TEX9: variants seen among roughly 807,000 people sequenced by gnomAD.
TEX9 encodes testis-expressed protein 9.
A neutral mutation model predicts 59.6 loss-of-function variants in TEX9; 74 were observed. That is an observed-to-expected ratio of 1.24 (90% confidence interval 1.03 to 1.51). The LOEUF is 1.51. Ranked by LOEUF, TEX9 falls within the 40% of genes most tolerant of loss-of-function variation. The probability of loss-of-function intolerance (pLI) is 0.00; values close to 1 mark genes in which losing one functional copy is unlikely to be tolerated. For synonymous variants in TEX9, 186 were observed against 152.2 expected, an observed-to-expected ratio of 1.22 and a Z score of -1.64; for missense variants, 522 against 447.8, an observed-to-expected ratio of 1.17 and a Z score of -1.49.
In TEX9 at chr15:56,285,618, T is replaced by C. The variant is rs2044935059; in HGVS notation, c.-107+41340T>C. On this transcript the variant is annotated intron_variant, in intron 1 of 5. Transcript: ENST00000560827. The stretch of plus-strand genomic sequence containing the variant: ...TTGGATTTCAGCCTTCCCTTGGATT[T>C]TGGCCTGCTAGTTCCTTAAAATCTT... 1.3e-5 allele frequency among the ~76,000 whole-genome samples: 2 copies of C among 152,190 alleles called. 1 individual carries two copies. Among genetic ancestry groups the C allele is most frequent in the Non-Finnish European group, 2.9e-5 (2 of 68,030 alleles).
intron 1 of TEX9, among the ~76,000 whole-genome samples, chr15:56,270,510 C>G (rs1260403178): frequency 3.3e-5 from 5 of 152,140 alleles, no homozygotes; most frequent in Non-Finnish European, 1.5e-5. Flanking sequence ...ATAGATCTTC[C>G]TCCATCCTTT....
intron 1 of TEX9, among the ~76,000 whole-genome samples, chr15:56,265,430 C>T (rs2044358390): frequency 6.6e-6 from 1 of 151,998 alleles, no homozygotes; most frequent in African/African-American, 2.4e-5. Flanking sequence ...GCCTTGGCCT[C>T]CTAAAGTGAT....
At chr15:56,444,456 T>A in intron 12 of TEX9, 1 of 1,605,932 alleles carries the variant, frequency 6.2e-7, no homozygotes. Flanking sequence ...CTGATCTTCT[T>A]CATAGATCTT....
At chr15:56,338,124 A>C (rs907876723) in intron 1 of TEX9, among the ~76,000 whole-genome samples, 6 of 152,204 alleles carry the variant, frequency 3.9e-5, no homozygotes, top group Non-Finnish European at 8.8e-5. Flanking sequence ...CTTAAAGTTT[A>C]GTGAGACTCT....
chr15:56,344,917 C>G (rs533350244), intron 1 of TEX9, among the ~76,000 whole-genome samples: 1 of 151,642 alleles, frequency 6.6e-6, no homozygotes, highest in South Asian at 2.1e-4. Context: ...AATACCTAGA[C>G]CCCATCCACA....
At chr15:56,439,410 A>C (rs1208072635) in intron 12 of TEX9, among the ~76,000 whole-genome samples, 1 of 150,060 alleles carries the variant, frequency 6.7e-6, no homozygotes, top group Non-Finnish European at 1.5e-5. Context: ...AGATTCTTCA[A>C]AAATTCATAT....
intron 1 of TEX9, among the ~76,000 whole-genome samples, chr15:56,295,537 G>C (rs1274206627): frequency 1.3e-5 from 2 of 152,174 alleles, no homozygotes; most frequent in Non-Finnish European, 2.9e-5. Context: ...CACTGGCCCT[G>C]CTCCTTTAAA....
At chr15:56,379,910 A>C (rs76694624) in intron 3 of TEX9, among the ~76,000 whole-genome samples, 5,428 of 146,834 alleles carry the variant, frequency 0.037, 135 homozygotes, top group Middle Eastern at 0.073. Context: ...TTTTCAGTCT[A>C]TATATATATC....
intron 9 of TEX9, among the ~76,000 whole-genome samples, chr15:56,404,491 G>A (rs76888292): frequency 6.6e-6 from 1 of 151,910 alleles, no homozygotes; most frequent in Non-Finnish European, 1.5e-5. Flanking sequence ...ACAACAGATG[G>A]TGGAGAGGAT....
intron 1 of TEX9, among the ~76,000 whole-genome samples, chr15:56,320,001 T>C (rs115757684): frequency 1.5e-3 from 225 of 152,320 alleles, no homozygotes; most frequent in African/African-American, 5.3e-3. Flanking sequence ...AACTCTTTCC[T>C]CTATGTCCTC....
intron 1 of TEX9, among the ~76,000 whole-genome samples, chr15:56,282,740 A>T (rs1217170025): frequency 6.6e-6 from 1 of 152,166 alleles, no homozygotes. Context: ...ATTGAAGTAG[A>T]TGTGGAAAAT....
intron 12 of TEX9, among the ~76,000 whole-genome samples, chr15:56,441,327 G>C (rs544425490): frequency 3.9e-4 from 60 of 152,016 alleles, no homozygotes; most frequent in Middle Eastern, 6.8e-3. Context: ...CTCGGTGAAG[G>C]TTCCATGTTT....
At chr15:56,384,708 T>C (rs1415734946) in intron 4 of TEX9, among the ~76,000 whole-genome samples, 3 of 152,248 alleles carry the variant, frequency 2.0e-5, no homozygotes, top group Middle Eastern at 3.4e-3. Context: ...GAAACTGATA[T>C]TGGAGGCTGG....
chr15:56,274,963 A>G (rs1214591145), intron 1 of TEX9, among the ~76,000 whole-genome samples: 1 of 152,160 alleles, frequency 6.6e-6, no homozygotes, highest in Non-Finnish European at 1.5e-5. Context: ...GTTTCAGAAT[A>G]GGTCACTCTC....
upstream of TEX9, among the ~76,000 whole-genome samples, chr15:56,363,224 G>C (rs1415903329): frequency 6.6e-6 from 1 of 151,470 alleles, no homozygotes. Flanking sequence ...AGTTTATGAG[G>C]GTTCAAGTTT....
intron 1 of TEX9, among the ~76,000 whole-genome samples, chr15:56,317,059 C>G (rs1319978685): frequency 1.3e-5 from 2 of 152,154 alleles, no homozygotes; most frequent in Non-Finnish European, 2.9e-5. Flanking sequence ...CTGGCACTCC[C>G]TAGTGAGATG....
chr15:56,397,021 G>A (rs1177075817), intron 9 of TEX9: 1 of 152,562 alleles, frequency 6.6e-6, no homozygotes, highest in Admixed American at 6.5e-5. Flanking sequence ...CTGGGTAAGA[G>A]GCAGAGGTTG....
At chr15:56,308,706 T>A (rs1191238306) in intron 1 of TEX9, among the ~76,000 whole-genome samples, 3 of 152,158 alleles carry the variant, frequency 2.0e-5, no homozygotes, top group African/African-American at 7.2e-5. Context: ...AGGCCTATGA[T>A]TCATTTTAAA....
At chr15:56,401,320 A>AAAAAAAAAAAAAAAAAT (rs2048764375) in intron 9 of TEX9, among the ~76,000 whole-genome samples, 1 of 150,052 alleles carries the variant, frequency 6.7e-6, no homozygotes, top group African/African-American at 2.4e-5. Flanking sequence ...AAAAAAAAAA[A>AAAAAAAAAAAAAAAAAT]AAAAAAAAAA....
Sources: allele counts gnomAD v4.1 joint callset (sites outside exome capture counted in the v4.1 genomes callset), GRCh38; gene constraint gnomAD v4.1.1; transcripts MANE v1.5; gene names NCBI Gene and HGNC (gene_info 2026-07-23, HGNC 2026-07-21).